Variants in GRIP2 observed in about 807,000 individuals in gnomAD.
GRIP2 encodes the protein glutamate receptor interacting protein 2, also known as glutamate receptor-interacting protein 2.
Under a neutral mutation model 108.3 loss-of-function variants are expected in GRIP2, and 58 were observed. The ratio of observed to expected loss-of-function variants is 0.54; its 90% CI spans 0.43 to 0.67. GRIP2 has a LOEUF of 0.67. Among genes scored for constraint, GRIP2 ranks in the 30% least tolerant of loss-of-function variants. The pLI is 0.00. For missense variants in GRIP2, 1,278 were observed against 1,430.6 expected (o/e 0.89, Z 1.72); for synonymous variants, 586 against 598.2 (o/e 0.98, Z 0.30).
rs1349818841 is a variant in GRIP2 at position 14,505,408 on chromosome 3, C to T, written c.2573+207G>A. The stretch of plus-strand genomic sequence containing the variant: ...CTGCTCTCCACCTCTATACCTTCGT[C>T]CCTGCCGTGCCCTCCACCAGTCTGC... On this transcript the variant is annotated intron_variant, in intron 20 of 23. Transcript: ENST00000621039. The surrounding 1 kb of genome is among the most constrained non-coding windows in gnomAD (Gnocchi z 4.2). Among the ~76,000 whole-genome samples the T allele has an allele frequency of 6.6e-6, 1 of 152,190 alleles. No homozygotes were observed. Among genetic ancestry groups the T allele is most frequent in the Non-Finnish European group, 1.5e-5 (1 of 68,022 alleles).
rs1694539943 is a variant in GRIP2 at position 14,525,842 on chromosome 3, C to G, written c.121+9G>C. ...GCAGAAAAAGAGGGAATGAGGGAAG[C>G]CTCATTACCTGGAATGCTCTGTCTG... is the stretch of plus-strand genomic sequence containing the variant. On this transcript the variant is annotated intron_variant, in intron 2 of 23. Transcript: ENST00000621039. The G allele has an allele frequency of 5.8e-6, 9 of 1,555,364 alleles. No homozygotes were observed. The East Asian group carries it at 2.2e-4, about 38-fold the overall frequency.
intron 22 of GRIP2, 134 bp from the exon 23 acceptor site, chr3:14,495,123 T>C: frequency 2.6e-6 from 3 of 1,166,644 alleles, no homozygotes; most frequent in Non-Finnish European, 3.6e-6. Flanking sequence ...CACCCCAGCC[T>C]CTTGCCCCTG....
chr3:14,524,090 GC>G, intron 4 of GRIP2: 2 of 518,620 alleles, frequency 3.9e-6, no homozygotes, highest in Non-Finnish European at 6.9e-6. Flanking sequence ...TGGAGTGTGG[GC>G]GTGGTAGGTC....
At chr3:14,594,051 C>T in the GRIP2 span, among the ~76,000 whole-genome samples, 12 of 152,286 alleles carry the variant, frequency 7.9e-5, no homozygotes, top group Middle Eastern at 3.4e-3. Context: ...CCTCTCCTGG[C>T]GAGGTGCAGC....
At chr3:14,600,465 A>T in the GRIP2 span, among the ~76,000 whole-genome samples, 3 of 152,224 alleles carry the variant, frequency 2.0e-5, no homozygotes, top group African/African-American at 4.8e-5. Flanking sequence ...TAAGAAGGAC[A>T]TGAGTCTGGT....
At chr3:14,577,992 C>G in the GRIP2 span, among the ~76,000 whole-genome samples, 92 of 152,234 alleles carry the variant, frequency 6.0e-4, no homozygotes, top group Non-Finnish European at 1.1e-3. Flanking sequence ...TAAGGTCTCC[C>G]TGGCTCAGCC....
intron 11 of GRIP2, among the ~76,000 whole-genome samples, chr3:14,515,379 G>A (rs1346906324): frequency 1.3e-5 from 2 of 152,106 alleles, no homozygotes; most frequent in African/African-American, 4.8e-5. Flanking sequence ...ATTGCTGGGT[G>A]ATATGGCAAC....
the GRIP2 span, among the ~76,000 whole-genome samples, chr3:14,586,740 T>C: frequency 6.6e-6 from 1 of 152,174 alleles, no homozygotes; most frequent in East Asian, 1.9e-4. Context: ...CCAGGAAACG[T>C]AAGTCTTACT....
chr3:14,602,431 A>G, the GRIP2 span, among the ~76,000 whole-genome samples: 134 of 151,944 alleles, frequency 8.8e-4, 2 homozygotes, highest in Middle Eastern at 6.9e-3. The surrounding 1 kb of genome is among the most constrained non-coding windows in gnomAD (Gnocchi z 4.7). Flanking sequence ...CGGGCGTTCA[A>G]AGGAAAGTTG....
chr3:14,522,074 TGA>T lies in GRIP2; in HGVS notation c.567-289_567-288del. On this transcript the variant is annotated intron_variant, in intron 6 of 23. Transcript: ENST00000621039. This position sits in a 1 kb window ranked among gnomAD's most constrained non-coding sequence, Gnocchi z 4.3. Reference sequence around the variant, plus strand: ...AATTCACAGACTCAGTGCAGAACCCTGAAATGTCTGAGCTGGGGGTGCTCTTC... The same window carrying T: ...AATTCACAGACTCAGTGCAGAACCCTAATGTCTGAGCTGGGGGTGCTCTTC... 2.4e-6 allele frequency: 1 copy of T among 411,370 alleles called. No homozygotes were observed. Among genetic ancestry groups the T allele is most frequent in the Non-Finnish European group, 4.3e-6 (1 of 231,402 alleles). 25.5% of individuals were successfully genotyped at this position (411,370 alleles called of 1,614,324 possible). A position where few individuals can be genotyped will look rare whatever the true frequency, so the allele number is the denominator to read the frequency against.
chr3:14,490,501 G>C lies in GRIP2; in HGVS notation c.*3164C>G, dbSNP rs1701310858. 6.6e-6 allele frequency: 1 copy of C among 152,448 alleles called. No homozygotes were observed. The highest frequency in any genetic ancestry group is 1.5e-5 in the Non-Finnish European group (1 of 68,220). 9.4% of individuals were successfully genotyped at this position (152,448 alleles called of 1,614,324 possible). A position where few individuals can be genotyped will look rare whatever the true frequency, so the allele number is the denominator to read the frequency against. On this transcript the variant is annotated 3_prime_UTR_variant, in exon 24 of 24. Coordinates refer to ENST00000621039, the MANE Select transcript of GRIP2 (RefSeq NM_001080423.4). Reference sequence around the variant, plus strand: ...CCCTAGACACTCTCTGGACACTCCAGGGCAGCAGCCAGACCTGAGGCTGCC... The same window carrying C: ...CCCTAGACACTCTCTGGACACTCCACGGCAGCAGCCAGACCTGAGGCTGCC...
chr3:14,574,962 CA>C, the GRIP2 span, among the ~76,000 whole-genome samples: 3 of 152,178 alleles, frequency 2.0e-5, no homozygotes, highest in African/African-American at 7.2e-5. Flanking sequence ...CTTCCCTGTG[CA>C]GCGATACACA....
In GRIP2 at chr3:14,530,827, A is replaced by T. The variant is rs139010267; in HGVS notation, c.41-4896T>A. Among the ~76,000 whole-genome samples, 280 of 152,354 alleles carry T rather than the reference A, an allele frequency of 1.8e-3. 1 individual carries two copies. The highest frequency in any genetic ancestry group is 6.3e-3 in the African/African-American group (263 of 41,584). ...ATAATCACATCAAAGTAAATGGGGT[A>T]TCCATCACCTCAAGCATTTATCCTT... On this transcript the variant is annotated intron_variant, in intron 1 of 23. Transcript: ENST00000621039.
intron 1 of GRIP2, among the ~76,000 whole-genome samples, chr3:14,527,391 A>AGGAAAGAAAAGGAAAGAAAG (rs72297166): frequency 7.1e-6 from 1 of 140,626 alleles, no homozygotes; most frequent in African/African-American, 2.6e-5. Flanking sequence ...AGGAAAGGAA[A>AGGAAAGAAAAGGAAAGAAAG]GAAAGGAAAG....
At chr3:14,530,158 T>C (rs897796890) in intron 1 of GRIP2, among the ~76,000 whole-genome samples, 23 of 152,246 alleles carry the variant, frequency 1.5e-4, no homozygotes, top group African/African-American at 4.6e-4. Flanking sequence ...AGCTCCCTGA[T>C]AGACGGGTGA....
At chr3:14,527,196 AAGAG>A (rs2124933098) in intron 1 of GRIP2, among the ~76,000 whole-genome samples, 1 of 152,276 alleles carries the variant, frequency 6.6e-6, no homozygotes, top group Admixed American at 6.5e-5. Context: ...CTGTCTCGAA[AAGAG>A]AGAAAGACAG....
intron 1 of GRIP2, among the ~76,000 whole-genome samples, chr3:14,548,631 C>T (rs996578137): frequency 2.0e-5 from 3 of 152,238 alleles, no homozygotes; most frequent in African/African-American, 4.8e-5. Flanking sequence ...TCCGTCCAAA[C>T]GCAAACGCCT....
chr3:14,539,695 T>A (rs1168542913), intron 1 of GRIP2, among the ~76,000 whole-genome samples: 3 of 152,158 alleles, frequency 2.0e-5, no homozygotes, highest in African/African-American at 7.2e-5. Flanking sequence ...GCCCCTCCCC[T>A]GGGTCCCAGC....
chr3:14,599,683 C>CTGTGTGTGTG, the GRIP2 span, among the ~76,000 whole-genome samples: 15 of 105,132 alleles, frequency 1.4e-4, no homozygotes, highest in African/African-American at 3.3e-4. Context: ...CTCTCTCTCT[C>CTGTGTGTGTG]TCTGTGTGTG....
Sources: allele counts gnomAD v4.1 joint callset (sites outside exome capture counted in the v4.1 genomes callset), GRCh38; gene constraint gnomAD v4.1.1; non-coding constraint Gnocchi (gnomAD v3.1); transcripts MANE v1.5; gene names NCBI Gene and HGNC (gene_info 2026-07-23, HGNC 2026-07-21).